Variants in TMEM267 observed in about 807,000 individuals in gnomAD.
TMEM267 encodes the protein transmembrane protein 267.
Under a neutral mutation model 19.3 loss-of-function variants are expected in TMEM267, and 20 were observed. That is an observed-to-expected ratio of 1.04 (90% CI 0.73 to 1.51). The LOEUF (loss-of-function observed/expected upper bound fraction) is 1.51, where lower values mean the gene tolerates loss of function less well. Ranked by LOEUF, TMEM267 falls within the 40% of genes most tolerant of loss-of-function variation. The probability of loss-of-function intolerance (pLI) is 0.00; values close to 1 mark genes in which losing one functional copy is unlikely to be tolerated. For synonymous variants in TMEM267, 88 were observed against 90.3 expected, an observed-to-expected ratio of 0.97 and a Z score of 0.15; for missense variants, 242 against 261.9, an observed-to-expected ratio of 0.92 and a Z score of 0.52.
At chr5:43,470,586 A>C (rs753498338) in intron 1 of TMEM267, among the ~76,000 whole-genome samples, 9 of 152,200 alleles carry the variant, frequency 5.9e-5, no homozygotes, top group Non-Finnish European at 1.5e-5. Flanking sequence ...TGACAAAATA[A>C]ACTTTCTAAA....
intron 1 of TMEM267, among the ~76,000 whole-genome samples, chr5:43,467,227 T>C: frequency 6.8e-6 from 1 of 148,096 alleles, no homozygotes; most frequent in Non-Finnish European, 1.5e-5. Context: ...AAAGAGTAAG[T>C]CCTTACTTAT....
Position 43,470,771 on chromosome 5 carries a change from C to T in TMEM267, c.-75+13051G>A, listed in dbSNP as rs146859936. Reference sequence around the variant, plus strand: ...TCAGATAAGAGAAAGATATAAAAGGCAACCAAATTGGAAAGGATGGAGTCA... The same window carrying T: ...TCAGATAAGAGAAAGATATAAAAGGTAACCAAATTGGAAAGGATGGAGTCA... On this transcript the variant is annotated intron_variant, in intron 1 of 2. Transcript: ENST00000397080. Among the ~76,000 whole-genome samples, 1,163 of 152,204 alleles carry T rather than the reference C, an allele frequency of 7.6e-3. 4 individuals are homozygous for T. The highest frequency in any genetic ancestry group is 9.7e-3 in the Non-Finnish European group (661 of 68,006).
intron 1 of TMEM267, among the ~76,000 whole-genome samples, chr5:43,466,166 A>C (rs1018984791): frequency 6.6e-6 from 1 of 152,154 alleles, no homozygotes; most frequent in Non-Finnish European, 1.5e-5. Flanking sequence ...CACCAAGTAC[A>C]TTTAACCCAA....
intron 1 of TMEM267, among the ~76,000 whole-genome samples, chr5:43,468,657 A>T (rs994075047): frequency 6.6e-6 from 1 of 152,124 alleles, no homozygotes; most frequent in Non-Finnish European, 1.5e-5. Context: ...GGCAAAATAA[A>T]CTTTCTAAAT....
At chr5:43,459,146 T>C (rs998578755) in intron 1 of TMEM267, among the ~76,000 whole-genome samples, 1 of 152,178 alleles carries the variant, frequency 6.6e-6, no homozygotes, top group African/African-American at 2.4e-5. Flanking sequence ...TTATGGCACC[T>C]ATGTGGCAAC....
chr5:43,460,938 G>A (rs560570708), intron 1 of TMEM267, among the ~76,000 whole-genome samples: 37 of 152,304 alleles, frequency 2.4e-4, no homozygotes, highest in African/African-American at 7.9e-4. Flanking sequence ...GCTGAACTAG[G>A]CCCAGAGACA....
At chr5:43,447,410 C>T (rs1184354068) in intron 2 of TMEM267, among the ~76,000 whole-genome samples, 1 of 151,990 alleles carries the variant, frequency 6.6e-6, no homozygotes, top group African/African-American at 2.4e-5. Context: ...AATTTCTAAA[C>T]CACTACCAAA....
Position 43,453,757 on chromosome 5 carries a change from G to A in TMEM267, c.213C>T (p.Ile71=), listed in dbSNP as rs1429113606. 1.2e-6 allele frequency: 2 copies of A among 1,613,918 alleles called. No homozygotes were observed. The highest frequency in any genetic ancestry group is 2.7e-5 in the African/African-American group (2 of 74,934). ...TTTCTCCAAAGTCAGTCTTCTTCTT[G>A]ATTCCAGTGACTACCGCCCATGACC... The part of the protein sequence containing the change: ...GMWSWAVVTG[I]KKKTDFGEII... The change falls in exon 2 of 3, where the codon ATC becomes ATT. Residue 71 remains isoleucine, a synonymous_variant. Coordinates refer to ENST00000397080, the MANE Select transcript of TMEM267 (RefSeq NM_022483.5).
Position 43,454,041 on chromosome 5 carries a change from A to G in TMEM267, c.-72T>C. 6.6e-7 allele frequency: 1 copy of G among 1,525,356 alleles called. No homozygotes were observed. Among genetic ancestry groups the G allele is most frequent in the Non-Finnish European group, 8.8e-7 (1 of 1,138,058 alleles). 94.5% of individuals were successfully genotyped at this position (1,525,356 alleles called of 1,614,324 possible). ...GTCTATTCTTGTTTACATTTCCAGCACCCTAAAGGAGAAAGTAGAGAAAAA... is the reference window on the plus strand; with the variant it reads ...GTCTATTCTTGTTTACATTTCCAGCGCCCTAAAGGAGAAAGTAGAGAAAAA... On this transcript the variant is annotated splice_region_variant and 5_prime_UTR_variant, in exon 2 of 3. Coordinates refer to ENST00000397080, the MANE Select transcript of TMEM267 (RefSeq NM_022483.5).
chr5:43,452,272 A>G (rs1742646717), intron 2 of TMEM267, among the ~76,000 whole-genome samples: 1 of 152,208 alleles, frequency 6.6e-6, no homozygotes, highest in African/African-American at 2.4e-5. Context: ...CCCATACAAA[A>G]TAATAAAATC....
chr5:43,460,824 T>A (rs575133238), intron 1 of TMEM267, among the ~76,000 whole-genome samples: 14 of 152,266 alleles, frequency 9.2e-5, no homozygotes, highest in Middle Eastern at 6.8e-3. Context: ...CGAATTTGAG[T>A]TTCTGCAAAC....
intron 1 of TMEM267, among the ~76,000 whole-genome samples, chr5:43,457,755 A>C (rs1229904804): frequency 6.6e-6 from 1 of 152,210 alleles, no homozygotes; most frequent in Non-Finnish European, 1.5e-5. Context: ...ACAAAAACTT[A>C]AAAATAAAGT....
intron 1 of TMEM267, 87 bp downstream of exon 1, chr5:43,483,735 C>G (rs1744955837): frequency 1.3e-5 from 2 of 152,444 alleles, no homozygotes; most frequent in African/African-American, 4.8e-5. Flanking sequence ...GGTCCCCCAC[C>G]TCCGGTCTCC....
At chr5:43,468,835 T>G (rs1743905709) in intron 1 of TMEM267, among the ~76,000 whole-genome samples, 1 of 152,098 alleles carries the variant, frequency 6.6e-6, no homozygotes, top group South Asian at 2.1e-4. Context: ...AAAACAAGTC[T>G]TAAAACATTA....
At chr5:43,483,074 T>C (rs1744890019) in intron 1 of TMEM267, among the ~76,000 whole-genome samples, 1 of 152,250 alleles carries the variant, frequency 6.6e-6, no homozygotes, top group Non-Finnish European at 1.5e-5. Context: ...CACTGAACTG[T>C]AGTTGCTGTA....
At chr5:43,460,860 T>G (rs935463042) in intron 1 of TMEM267, among the ~76,000 whole-genome samples, 2 of 152,242 alleles carry the variant, frequency 1.3e-5, no homozygotes, top group African/African-American at 4.8e-5. Flanking sequence ...TACAGTGCCC[T>G]CTGTCTCCAG....
At chr5:43,452,077 C>CAAAAAAA (rs375224453) in intron 2 of TMEM267, among the ~76,000 whole-genome samples, 2 of 86,502 alleles carry the variant, frequency 2.3e-5, no homozygotes, top group African/African-American at 4.4e-5. Flanking sequence ...GACCCTATCT[C>CAAAAAAA]AAAAAAAAAA....
chr5:43,474,085 C>T (rs1744250797), intron 1 of TMEM267, among the ~76,000 whole-genome samples: 1 of 152,152 alleles, frequency 6.6e-6, no homozygotes, highest in East Asian at 1.9e-4. Flanking sequence ...AAACTGGATC[C>T]CTTCCTTACA....
chr5:43,459,977 T>C (rs1422698653), intron 1 of TMEM267, among the ~76,000 whole-genome samples: 2 of 152,182 alleles, frequency 1.3e-5, no homozygotes, highest in Admixed American at 1.3e-4. Flanking sequence ...GTAGAATCAG[T>C]GGGAGCCCTT....
Sources: gnomAD v4.1 joint callset for allele counts (sites outside exome capture counted in the v4.1 genomes callset) on GRCh38, gnomAD v4.1.1 for gene constraint, MANE v1.5 for transcripts, NCBI Gene and HGNC (gene_info 2026-07-23, HGNC 2026-07-21) for gene names.